Variants in PNPLA6 observed in about 807,000 individuals in gnomAD.
The protein encoded by PNPLA6 is patatin like domain 6, lysophospholipase.
PNPLA6 carries 105 observed loss-of-function variants against 153.7 expected under a neutral mutation model. The ratio of observed to expected loss-of-function variants is 0.68; its 90% CI spans 0.58 to 0.80. The LOEUF is 0.80. Among genes scored for constraint, PNPLA6 ranks in the 30% least tolerant of loss-of-function variants. The pLI is 0.00. For synonymous variants in PNPLA6, 825 were observed against 822.2 expected, an observed-to-expected ratio of 1.00 and a Z score of -0.06; for missense variants, 1,423 against 1,919.3, an observed-to-expected ratio of 0.74 and a Z score of 4.83.
At chr19:7,545,192 A>G (rs1035123106) in intron 13 of PNPLA6, among the ~76,000 whole-genome samples, 1 of 152,018 alleles carries the variant, frequency 6.6e-6, no homozygotes, top group South Asian at 2.1e-4. Flanking sequence ...ACGCCTGGCT[A>G]ATTTTTGTAG....
chr19:7,559,111 G>A lies in PNPLA6; in HGVS notation c.3659G>A (p.Cys1220Tyr), dbSNP rs113195435. The A allele has an allele frequency of 6.2e-7, 1 of 1,614,236 alleles. No homozygotes were observed. The highest frequency in any genetic ancestry group is 1.3e-5 in the African/African-American group (1 of 75,060). Residue 1220 changes from cysteine to tyrosine, a missense_variant, in exon 28 of 32, where the codon TGC (cysteine) becomes TAC (tyrosine). By Grantham distance (194) the Cys-to-Tyr change is radical. Around this residue, in one of 10 missense-constraint regions of PNPLA6, gnomAD observed 643 missense variants for 835.2 expected, o/e 0.77. Coordinates refer to ENST00000600737, the MANE Select transcript of PNPLA6 (RefSeq NM_001166114.2). ...GAGTACCTGCGCCCGCCCATCGACT[G>A]CTTCAAGACCATGGACTTTGGGAAG... ...YCEYLRPPIDCFKTMDFGKFD... is the reference protein window; with the variant it reads ...YCEYLRPPIDYFKTMDFGKFD...
At chr19:7,542,501 A>AT in intron 10 of PNPLA6, 60 bp from the exon 11 acceptor site, 1 of 1,346,522 alleles carries the variant, frequency 7.4e-7, no homozygotes, top group Non-Finnish European at 1.1e-6. Context: ...CACCTGGCTC[A>AT]TTTTTTAAAA....
At chr19:7,551,842 G>A (rs760245125) in intron 18 of PNPLA6, among the ~76,000 whole-genome samples, 7 of 152,118 alleles carry the variant, frequency 4.6e-5, no homozygotes, top group African/African-American at 7.2e-5. Flanking sequence ...GCTCATGCCT[G>A]TAATCTCAGC....
chr19:7,542,782 G>A lies in PNPLA6; in HGVS notation c.1384G>A (p.Glu462Lys), dbSNP rs746329891. The A allele has an allele frequency of 2.5e-6, 4 of 1,612,920 alleles. No homozygotes were observed. The African/African-American group carries it at 4.0e-5, about 16-fold the overall frequency. Residue 462 changes from glutamate (E) to lysine (K), a missense_variant, in exon 12 of 32, where the codon GAG becomes AAG. By Grantham distance (56) the Glu-to-Lys change is moderately conservative. This residue lies in a region of PNPLA6 where 267 missense variants were observed against 255.1 expected (regional missense o/e 1.05). Transcript: ENST00000600737. Reference protein sequence around the residue: ...PARTPTQEPREQPAGACEYSY... With the variant: ...PARTPTQEPRKQPAGACEYSY... ...TCAGACCCCCACTCAGGAGCCTCGTGAGCAGCCGGCAGGCGCCTGTGAATA... is the reference window on the plus strand; with the variant it reads ...TCAGACCCCCACTCAGGAGCCTCGTAAGCAGCCGGCAGGCGCCTGTGAATA...
intron 27 of PNPLA6, 97 bp from the exon 28 acceptor site, chr19:7,558,753 C>G: frequency 1.2e-6 from 1 of 819,998 alleles, no homozygotes; most frequent in East Asian, 2.7e-5. Flanking sequence ...TTTTTTTTTG[C>G]GTGATCATTT....
At chr19:7,560,287 G>A (rs1244913793) in intron 28 of PNPLA6, among the ~76,000 whole-genome samples, 2 of 152,202 alleles carry the variant, frequency 1.3e-5, no homozygotes, top group Non-Finnish European at 1.5e-5. Context: ...GGGATAGCAT[G>A]CCATGAGAAA....
chr19:7,538,905 C>T (rs539493794), intron 3 of PNPLA6, among the ~76,000 whole-genome samples: 1 of 152,212 alleles, frequency 6.6e-6, no homozygotes, highest in Admixed American at 6.5e-5. Flanking sequence ...ACACAGGTAC[C>T]ATTTCTGGGC....
intron 3 of PNPLA6, among the ~76,000 whole-genome samples, chr19:7,538,574 G>A (rs555545800): frequency 2.0e-5 from 3 of 152,164 alleles, no homozygotes; most frequent in African/African-American, 4.8e-5. Context: ...TTTTGCCAGC[G>A]GAGGGTCTTT....
Position 7,553,954 on chromosome 19 carries a change from G to T in PNPLA6, c.2340G>T (p.Val780=). 6.2e-7 allele frequency: 1 copy of T among 1,614,184 alleles called. No individual in the cohort carries two copies. The highest frequency in any genetic ancestry group is 8.5e-7 in the Non-Finnish European group (1 of 1,180,028). The change falls in exon 19 of 32, where the codon GTG becomes GTT. Residue 780 remains valine, a synonymous_variant. Transcript: ENST00000600737. ...SNLATVAILP[V]CAEVPMVAFT... ...TGGCAACTGTGGCAATCCTGCCTGT[G>T]TGTGCTGAGGTCCCCATGGTGGCCT... is the stretch of plus-strand genomic sequence containing the variant.
At position 7,549,823 on chromosome 19, in the gene PNPLA6, A is replaced by T. The variant is rs1166942485; in HGVS notation, c.1609-84A>T. The T allele has an allele frequency of 4.4e-6, 6 of 1,357,670 alleles. No homozygotes were observed. In the African/African-American group the frequency reaches 7.2e-5, roughly 16 times the overall value. 84.1% of individuals were successfully genotyped at this position (1,357,670 alleles called of 1,614,324 possible). A position where few individuals can be genotyped will look rare whatever the true frequency, so the allele number is the denominator to read the frequency against. On this transcript the variant is annotated intron_variant, in intron 13 of 31. Coordinates refer to ENST00000600737, the MANE Select transcript of PNPLA6 (RefSeq NM_001166114.2). ...TTCTTAACCCTTCCTTTCTTCTTTAATTTTTTCCTGTGGGGGCATGTTGAC... is the reference window on the plus strand; with the variant it reads ...TTCTTAACCCTTCCTTTCTTCTTTATTTTTTTCCTGTGGGGGCATGTTGAC...
At chr19:7,534,322 C>G (rs2146032349), upstream of PNPLA6, 1 of 234,064 alleles carries the variant, frequency 4.3e-6, no homozygotes, top group African/African-American at 2.3e-5. Context: ...GATCTGTCCT[C>G]CGATTCCTGT....
chr19:7,558,373 T>C (rs1220719744), intron 27 of PNPLA6, among the ~76,000 whole-genome samples: 3 of 152,244 alleles, frequency 2.0e-5, no homozygotes, highest in Non-Finnish European at 2.9e-5. Context: ...GGCTCATGCC[T>C]GTAATCCCAG....
At chr19:7,536,651 G>A (rs575406890) in intron 3 of PNPLA6, 105 bp downstream of exon 3, 6 of 796,496 alleles carry the variant, frequency 7.5e-6, no homozygotes, top group African/African-American at 1.7e-5. Context: ...TATTGGCTGC[G>A]CGCTGTGGCT....
Position 7,554,097 on chromosome 19 carries a change from G to A in PNPLA6, c.2401+82G>A, listed in dbSNP as rs553221126. 301 of 1,591,464 alleles carry A rather than the reference G, an allele frequency of 1.9e-4. 1 individual carries two copies. In the South Asian group the frequency reaches 3.2e-3, roughly 17 times the overall value. ...GAGAGATGTTAGGGTAGGTCATTTG[G>A]GGGGTGGAGGGGAACAGGGCCACAG... On this transcript the variant is annotated intron_variant, in intron 19 of 31. Coordinates refer to ENST00000600737, the MANE Select transcript of PNPLA6 (RefSeq NM_001166114.2).
In PNPLA6 at chr19:7,550,515, A is replaced by G; in HGVS notation, c.1947-2A>G. 1 of 1,613,034 alleles carries G rather than the reference A, an allele frequency of 6.2e-7. No individual in the cohort carries two copies. On this transcript the variant is annotated splice_acceptor_variant, in intron 15 of 31. Coordinates refer to ENST00000600737, the MANE Select transcript of PNPLA6 (RefSeq NM_001166114.2). LOFTEE classifies it high-confidence loss of function. Reference sequence around the variant, plus strand: ...ACCTTGCTGACCTCCACGCCCACTCAGGCAGGGCGACCGCTCCGACTGCAC... The same window carrying G: ...ACCTTGCTGACCTCCACGCCCACTCGGGCAGGGCGACCGCTCCGACTGCAC...
intron 13 of PNPLA6, among the ~76,000 whole-genome samples, chr19:7,548,306 T>A (rs1699512013): frequency 6.6e-6 from 1 of 151,454 alleles, no homozygotes; most frequent in Admixed American, 6.6e-5. Context: ...TTTGTATCAC[T>A]GCACTCCAGC....
In PNPLA6 at chr19:7,541,191, C is replaced by A; in HGVS notation, c.924+140C>A. 2.6e-6 allele frequency: 3 copies of A among 1,144,976 alleles called. No homozygotes were observed. The highest frequency in any genetic ancestry group is 2.6e-6 in the Non-Finnish European group (2 of 783,846). 70.9% of individuals were successfully genotyped at this position (1,144,976 alleles called of 1,614,324 possible). On this transcript the variant is annotated intron_variant, in intron 7 of 31. Transcript: ENST00000600737. The surrounding 1 kb of genome is among the most constrained non-coding windows in gnomAD (Gnocchi z 5.2). ...TCGGCCTGGAGCAGCCAGATGTCTGCAGCCGCGGACTCCTCCCTTAGCTGC... is the reference window on the plus strand; with the variant it reads ...TCGGCCTGGAGCAGCCAGATGTCTGAAGCCGCGGACTCCTCCCTTAGCTGC...
chr19:7,548,764 C>A (rs1483846743), intron 13 of PNPLA6, among the ~76,000 whole-genome samples: 4 of 148,096 alleles, frequency 2.7e-5, no homozygotes, highest in Admixed American at 6.8e-5. Context: ...GAGAGAGATG[C>A]TGCTCATCTA....
intron 18 of PNPLA6, among the ~76,000 whole-genome samples, chr19:7,551,658 T>C (rs1257183018): frequency 6.6e-6 from 1 of 152,152 alleles, no homozygotes; most frequent in Admixed American, 6.6e-5. Flanking sequence ...CCTCGACCCC[T>C]GGCGTGCTAG....
Sources: gnomAD v4.1 joint callset for allele counts (sites outside exome capture counted in the v4.1 genomes callset) on GRCh38, gnomAD v4.1.1 for gene constraint, gnomAD v4.1.1 regional missense constraint, Gnocchi (gnomAD v3.1) non-coding constraint, MANE v1.5 for transcripts, NCBI Gene and HGNC (gene_info 2026-07-23, HGNC 2026-07-21) for gene names.